The following LNX1 variants were observed in gnomAD, a reference collection of about 807,000 sequenced individuals.
LNX1 encodes the protein E3 ubiquitin-protein ligase LNX.
LNX1 carries 54 observed loss-of-function variants against 68.4 expected under a neutral mutation model. The observed-to-expected ratio is 0.79, with a 90% confidence interval of 0.63 to 0.99. The LOEUF (loss-of-function observed/expected upper bound fraction) is 0.99, where lower values mean the gene tolerates loss of function less well. Among genes scored for constraint, LNX1 ranks in the 50% least tolerant of loss-of-function variants. The pLI, the probability that LNX1 is intolerant of heterozygous loss-of-function variation, is 0.00. For synonymous variants in LNX1, 336 were observed against 350.0 expected (o/e 0.96, Z 0.45); for missense variants, 906 against 926.4 (o/e 0.98, Z 0.29).
At chr4:53,496,809 A>G (rs192737620) in intron 5 of LNX1, among the ~76,000 whole-genome samples, 5 of 152,168 alleles carry the variant, frequency 3.3e-5, no homozygotes, top group African/African-American at 1.2e-4. Context: ...CCGAGTTGAC[A>G]TTTTCTTCCC....
intron 1 of LNX1, among the ~76,000 whole-genome samples, chr4:53,646,504 A>G (rs1438265648): frequency 6.6e-6 from 1 of 152,238 alleles, no homozygotes; most frequent in Admixed American, 6.5e-5. Context: ...CTATATTCCC[A>G]GCATCCAGAA....
intron 2 of LNX1, among the ~76,000 whole-genome samples, chr4:53,606,710 A>G (rs1733249873): frequency 1.3e-5 from 2 of 152,190 alleles, no homozygotes; most frequent in Admixed American, 6.5e-5. Flanking sequence ...ATCCTCAATA[A>G]AATACTGGCA....
intron 2 of LNX1, among the ~76,000 whole-genome samples, chr4:53,546,869 G>A (rs4864792): frequency 0.053 from 8,028 of 152,284 alleles, 373 homozygotes; most frequent in African/African-American, 0.12. Context: ...GGTAAAGACC[G>A]AGCCACTTGT....
At chr4:53,467,838 A>G (rs1218546075) in intron 9 of LNX1, among the ~76,000 whole-genome samples, 1 of 152,256 alleles carries the variant, frequency 6.6e-6, no homozygotes, top group Admixed American at 6.5e-5. Context: ...ATATGGGACT[A>G]TGTGAAAAGA....
intron 1 of LNX1, among the ~76,000 whole-genome samples, chr4:53,636,483 G>C (rs13110894): frequency 6.6e-6 from 1 of 152,160 alleles, no homozygotes; most frequent in Non-Finnish European, 1.5e-5. Flanking sequence ...CTCTGAGGCA[G>C]AAGGGCTTGA....
intron 9 of LNX1, among the ~76,000 whole-genome samples, chr4:53,470,641 G>A (rs183121468): frequency 2.6e-5 from 4 of 152,238 alleles, no homozygotes; most frequent in South Asian, 4.1e-4. Flanking sequence ...CTTCAGCAAA[G>A]TCTCAGGATA....
At chr4:53,562,066 T>C (rs1447695900) in intron 2 of LNX1, among the ~76,000 whole-genome samples, 1 of 152,270 alleles carries the variant, frequency 6.6e-6, no homozygotes, top group Non-Finnish European at 1.5e-5. Context: ...TATTTTTCTT[T>C]CATTCAGGGC....
chr4:53,650,918 T>C (rs1163668505), intron 1 of LNX1, among the ~76,000 whole-genome samples: 1 of 152,204 alleles, frequency 6.6e-6, no homozygotes, highest in Non-Finnish European at 1.5e-5. Context: ...TTAGTATTAA[T>C]ATTTATTGTG....
intron 9 of LNX1, among the ~76,000 whole-genome samples, chr4:53,473,461 C>T (rs150754187): frequency 4.5e-4 from 69 of 152,270 alleles, no homozygotes; most frequent in South Asian, 2.3e-3. Flanking sequence ...TCATGGAATA[C>T]GATGCAGTCA....
chr4:53,575,835 G>A (rs184002268), intron 1 of LNX1: 5 of 1,589,260 alleles, frequency 3.1e-6, no homozygotes, highest in Admixed American at 1.7e-5. Flanking sequence ...AGCTACTAGG[G>A]GACCTAAACA....
At chr4:53,489,455 A>T (rs1235247714) in intron 6 of LNX1, among the ~76,000 whole-genome samples, 3 of 152,188 alleles carry the variant, frequency 2.0e-5, no homozygotes, top group Non-Finnish European at 4.4e-5. Flanking sequence ...TTAGTTCTTG[A>T]GTCCCTGAAT....
rs765893808 is a variant in LNX1, at chr4:53,460,659, T to C, written c.*248A>G. On this transcript the variant is annotated 3_prime_UTR_variant, in exon 11 of 11. Coordinates refer to ENST00000263925, the MANE Select transcript of LNX1 (RefSeq NM_001126328.3). ...AGTTGTTTTAGGGCTTTTTATTGAATAGAAAAAATATAAACAATGTTGTAG... is the reference window on the plus strand; with the variant it reads ...AGTTGTTTTAGGGCTTTTTATTGAACAGAAAAAATATAAACAATGTTGTAG... 1 of 382,192 alleles carries C rather than the reference T, an allele frequency of 2.6e-6. No homozygotes were observed. The allele number at this position is 382,192 out of a possible 1,614,324, so 23.7% of individuals were successfully genotyped here. A position where few individuals can be genotyped will look rare whatever the true frequency, so the allele number is the denominator to read the frequency against.
Position 53,498,733 on chromosome 4 carries a change from T to A in LNX1, c.886A>T (p.Thr296Ser). Residue 296 changes from threonine (T) to serine (S), a missense_variant, in exon 5 of 11, where the codon ACC becomes TCC. By Grantham distance (58) the Thr-to-Ser change is moderately conservative. Transcript: ENST00000263925. ...TGGATAATGATATGGACCAGTGGGGTTTCGCTACCTCCCACCAGCCTAATA... is the reference window on the plus strand; with the variant it reads ...TGGATAATGATATGGACCAGTGGGGATTCGCTACCTCCCACCAGCCTAATA... Reference protein sequence around the residue: ...LSIRLVGGSETPLVHIIIQHI... With the variant: ...LSIRLVGGSESPLVHIIIQHI... 1 of 1,613,980 alleles carries A rather than the reference T, an allele frequency of 6.2e-7. No individual in the cohort carries two copies. Among genetic ancestry groups the A allele is most frequent in the South Asian group, 1.1e-5 (1 of 91,074 alleles).
chr4:53,626,910 A>G (rs1397714477), intron 1 of LNX1, among the ~76,000 whole-genome samples: 2 of 152,236 alleles, frequency 1.3e-5, no homozygotes, highest in African/African-American at 4.8e-5. Flanking sequence ...AGCTAGAAGC[A>G]TTGCTGTTTA....
At chr4:53,557,421 G>T (rs1275852119) in intron 2 of LNX1, among the ~76,000 whole-genome samples, 14 of 152,094 alleles carry the variant, frequency 9.2e-5, no homozygotes, top group Admixed American at 9.2e-4. Context: ...TTTATACATA[G>T]GGTTCTTTTT....
At chr4:53,470,576 A>T (rs1377105585) in intron 9 of LNX1, among the ~76,000 whole-genome samples, 2 of 152,138 alleles carry the variant, frequency 1.3e-5, no homozygotes, top group South Asian at 4.1e-4. Flanking sequence ...GACATGACTG[A>T]ATATCTAGAA....
intron 9 of LNX1, among the ~76,000 whole-genome samples, chr4:53,467,347 C>T (rs1222753791): frequency 6.6e-6 from 1 of 152,104 alleles, no homozygotes; most frequent in Non-Finnish European, 1.5e-5. Context: ...CAGTACGTCA[C>T]CATCATCAAA....
At chr4:53,597,909 G>A (rs1309882368) in intron 2 of LNX1, among the ~76,000 whole-genome samples, 4 of 152,200 alleles carry the variant, frequency 2.6e-5, no homozygotes, top group African/African-American at 9.6e-5. Flanking sequence ...CATTTTTATG[G>A]TTATTTCTCA....
chr4:53,618,303 A>G (rs1257550322), upstream of LNX1, among the ~76,000 whole-genome samples: 1 of 152,316 alleles, frequency 6.6e-6, no homozygotes, highest in Non-Finnish European at 1.5e-5. Flanking sequence ...AGTATTCTAA[A>G]GAGGACAAAA....
Sources: allele counts gnomAD v4.1 joint callset (sites outside exome capture counted in the v4.1 genomes callset), GRCh38; gene constraint gnomAD v4.1.1; transcripts MANE v1.5; gene names NCBI Gene and HGNC (gene_info 2026-07-23, HGNC 2026-07-21).